The following ZNF124 variants were observed in gnomAD, a reference collection of about 807,000 sequenced individuals.
ZNF124 encodes the protein zinc finger protein 124, also known as zinc finger protein HZF-16.
In ZNF124, 25 loss-of-function variants were observed where a neutral mutation model predicts 26.6. That is an observed-to-expected ratio of 0.94 (90% CI 0.68 to 1.31). The LOEUF (loss-of-function observed/expected upper bound fraction) is 1.31, where lower values mean the gene tolerates loss of function less well. Among genes scored for constraint, ZNF124 ranks in the 40% most tolerant of loss-of-function variants. The pLI, the probability that ZNF124 is intolerant of heterozygous loss-of-function variation, is 0.00. For synonymous variants in ZNF124, 129 were observed against 133.3 expected, an observed-to-expected ratio of 0.97 and a Z score of 0.22; for missense variants, 444 against 422.2, an observed-to-expected ratio of 1.05 and a Z score of -0.45.
intron 3 of ZNF124, among the ~76,000 whole-genome samples, chr1:247,125,199 T>TA (rs1672179439): frequency 6.6e-6 from 1 of 152,192 alleles, no homozygotes. Context: ...CATTGGCTGT[T>TA]ACGAATGCTG....
At chr1:247,148,575 C>G (rs1398145819) in intron 3 of ZNF124, among the ~76,000 whole-genome samples, 2 of 152,228 alleles carry the variant, frequency 1.3e-5, no homozygotes, top group Non-Finnish European at 2.9e-5. Context: ...CCCACGTCCA[C>G]TCCAAGTGAC....
At chr1:247,144,433 G>C (rs1005213224) in intron 3 of ZNF124, among the ~76,000 whole-genome samples, 7 of 152,170 alleles carry the variant, frequency 4.6e-5, no homozygotes, top group Non-Finnish European at 7.4e-5. Flanking sequence ...AACTAGGCTT[G>C]GGGCAGTTAG....
chr1:247,128,432 T>A (rs1672265639), intron 3 of ZNF124, among the ~76,000 whole-genome samples: 1 of 148,118 alleles, frequency 6.8e-6, no homozygotes, highest in South Asian at 2.3e-4. Flanking sequence ...ACTGGCCCTG[T>A]CTCTTGGAGT....
chr1:247,132,794 T>C (rs1672399983), intron 3 of ZNF124, among the ~76,000 whole-genome samples: 2 of 152,198 alleles, frequency 1.3e-5, no homozygotes, highest in Admixed American at 1.3e-4. Flanking sequence ...TGATTACCAG[T>C]GCATGCAGCC....
chr1:247,153,831 T>C (rs1401577509), downstream of ZNF124, among the ~76,000 whole-genome samples: 5 of 152,212 alleles, frequency 3.3e-5, no homozygotes, highest in South Asian at 2.1e-4. Context: ...TGAGCAGCCA[T>C]GCTAACGAAA....
intron 3 of ZNF124, among the ~76,000 whole-genome samples, chr1:247,142,689 C>A (rs1055450386): frequency 2.0e-5 from 3 of 152,078 alleles, no homozygotes; most frequent in Admixed American, 2.0e-4. Context: ...CATTTTCTTA[C>A]ACAGAATCTA....
chr1:247,144,569 G>A (rs1672712344), intron 3 of ZNF124, among the ~76,000 whole-genome samples: 1 of 152,098 alleles, frequency 6.6e-6, no homozygotes, highest in Non-Finnish European at 1.5e-5. Flanking sequence ...CTTTTGAGGT[G>A]GGTGTCAGCT....
Position 247,157,238 on chromosome 1 carries a change from C to G in ZNF124, c.384G>C (p.Glu128Asp). The change falls in exon 4 of 4, where the codon GAG becomes GAC. Residue 128 changes from glutamate (E) to aspartate (D), a missense_variant. By Grantham distance (45) the Glu-to-Asp change is conservative. Coordinates refer to ENST00000543802, the MANE Select transcript of ZNF124 (RefSeq NM_001297568.2). ...GNGHYGCTIC[E>D]KVFNIPSSFQ... ...ATGAACTGGGAATATTAAAAACTTT[C>G]TCACATATTGTACAACCATAATGTC... 1 of 1,614,090 alleles carries G rather than the reference C, an allele frequency of 6.2e-7. No homozygotes were observed. Among genetic ancestry groups the G allele is most frequent in the South Asian group, 1.1e-5 (1 of 91,078 alleles).
intron 3 of ZNF124, among the ~76,000 whole-genome samples, chr1:247,142,979 C>T (rs924852849): frequency 2.3e-4 from 35 of 151,710 alleles, no homozygotes; most frequent in African/African-American, 6.8e-4. Flanking sequence ...CTATAATTTC[C>T]ATTACATACT....
chr1:247,153,758 A>G (rs1328440080), downstream of ZNF124, among the ~76,000 whole-genome samples: 1 of 152,114 alleles, frequency 6.6e-6, no homozygotes, highest in African/African-American at 2.4e-5. Flanking sequence ...CGTCCATAAG[A>G]AGGTCATTTT....
downstream of ZNF124, among the ~76,000 whole-genome samples, chr1:247,153,550 C>T (rs1673007322): frequency 6.6e-6 from 1 of 152,188 alleles, no homozygotes; most frequent in Non-Finnish European, 1.5e-5. Flanking sequence ...CTTTTCCTTT[C>T]TTGCTGTAAC....
At chr1:247,122,470 C>T (rs1375108500) in exon 4 of ZNF124, 1 of 152,480 alleles carries the variant, frequency 6.6e-6, no homozygotes, top group African/African-American at 2.4e-5. Context: ...TTCCCACCAA[C>T]AGTGAAGTGG....
chr1:247,137,877 T>A (rs1327275226), intron 3 of ZNF124, among the ~76,000 whole-genome samples: 1 of 152,162 alleles, frequency 6.6e-6, no homozygotes, highest in African/African-American at 2.4e-5. Flanking sequence ...TCACTGATCA[T>A]CAGAGAAATG....
exon 4 of ZNF124, chr1:247,123,592 C>T: frequency 2.3e-6 from 1 of 436,950 alleles, no homozygotes; most frequent in Admixed American, 3.9e-5. Flanking sequence ...TCAGGTTATT[C>T]CAAGTTCTTC....
At position 247,155,830 on chromosome 1, in the gene ZNF124, C is replaced by T. The variant is rs1252327112; in HGVS notation, c.*736G>A. 26 of 700,038 alleles carry T rather than the reference C, an allele frequency of 3.7e-5. No individual in the cohort carries two copies. In the African/African-American group the frequency reaches 4.4e-4, roughly 12 times the overall value. The allele number at this position is 700,038 out of a possible 1,614,324, so 43.4% of individuals were successfully genotyped here. ...GAACTGAGATTGTGCCACTGCACAC[C>T]AGCCTGGGCGACAAAGTGAGACTCC... On this transcript the variant is annotated 3_prime_UTR_variant, in exon 4 of 4. Coordinates refer to ENST00000543802, the MANE Select transcript of ZNF124 (RefSeq NM_001297568.2).
chr1:247,131,261 G>A (rs568626991), intron 3 of ZNF124, among the ~76,000 whole-genome samples: 1 of 152,274 alleles, frequency 6.6e-6, no homozygotes, highest in East Asian at 1.9e-4. Flanking sequence ...GTGAGTGAGT[G>A]CGCTACCCAG....
chr1:247,155,091 C>T lies in ZNF124; in HGVS notation c.*1475G>A, dbSNP rs1013601036. ...CTCAGATTAGACACAAGACACTGTT[C>T]GATCACAGGTCTCTCTCCTTAAACC... On this transcript the variant is annotated 3_prime_UTR_variant, in exon 4 of 4. Coordinates refer to ENST00000543802, the MANE Select transcript of ZNF124 (RefSeq NM_001297568.2). Among the ~76,000 whole-genome samples, 31 of 152,136 alleles carry T rather than the reference C, an allele frequency of 2.0e-4. No individual in the cohort carries two copies. The highest frequency in any genetic ancestry group is 1.0e-4 in the Non-Finnish European group (7 of 68,020).
rs569419318 is a variant in ZNF124, at chr1:247,137,378, T to C, written c.219-13507A>G. Reference sequence around the variant, plus strand: ...ACCTAGGGAGGCCAGGTGCAGTGGCTCGTGCCTGTAATCCCAGCAGTTTGG... The same window carrying C: ...ACCTAGGGAGGCCAGGTGCAGTGGCCCGTGCCTGTAATCCCAGCAGTTTGG... On this transcript the variant is annotated intron_variant, in intron 3 of 3. Transcript: ENST00000472531. Among the ~76,000 whole-genome samples the C allele has an allele frequency of 8.2e-5, 12 of 145,826 alleles. No individual in the cohort carries two copies. In the South Asian group the frequency reaches 1.3e-3, roughly 16 times the overall value.
chr1:247,131,528 C>A (rs1452490326), intron 3 of ZNF124, among the ~76,000 whole-genome samples: 2 of 152,208 alleles, frequency 1.3e-5, no homozygotes, highest in South Asian at 2.1e-4. Flanking sequence ...AACTGCCTAA[C>A]GTGCTAAGCT....
Sources: gnomAD v4.1 joint callset for allele counts (sites outside exome capture counted in the v4.1 genomes callset) on GRCh38, gnomAD v4.1.1 for gene constraint, MANE v1.5 for transcripts, NCBI Gene and HGNC (gene_info 2026-07-23, HGNC 2026-07-21) for gene names.